The following CEP70 variants were observed in gnomAD, a reference collection of about 807,000 sequenced individuals.
CEP70 encodes the protein centrosomal protein of 70 kDa.
In CEP70, 70 loss-of-function variants were observed where a neutral mutation model predicts 90.9. The ratio of observed to expected loss-of-function variants is 0.77; its 90% CI spans 0.64 to 0.94. The LOEUF (loss-of-function observed/expected upper bound fraction) is 0.94, where lower values mean the gene tolerates loss of function less well. CEP70 is among the 40% of genes least tolerant of loss of function. CEP70 has a pLI of 0.00. For synonymous variants in CEP70, 220 were observed against 228.3 expected (o/e 0.96, Z 0.33); for missense variants, 648 against 669.0 (o/e 0.97, Z 0.35).
At chr3:138,569,002 AAAC>A (rs950884959) in intron 6 of CEP70, among the ~76,000 whole-genome samples, 1 of 151,956 alleles carries the variant, frequency 6.6e-6, no homozygotes, top group African/African-American at 2.4e-5. Context: ...AACAAAAAAA[AAAC>A]ACAAAAAAAA....
rs757290298 is a variant in CEP70, at chr3:138,570,358, T to A, written c.425A>T (p.Asn142Ile). 7.3e-5 allele frequency: 117 copies of A among 1,592,636 alleles called. No homozygotes were observed. In the South Asian group the frequency reaches 1.2e-3, roughly 16 times the overall value. Residue 142 changes from asparagine to isoleucine, a missense_variant, in exon 6 of 18, where the codon AAT (asparagine) becomes ATT (isoleucine). Physicochemically the swap from Asn to Ile is moderately radical, Grantham distance 149 (BLOSUM62 -3). Transcript: ENST00000264982. ...ESLSRACHQQ[N>I]KIKDLQKEQK... The stretch of plus-strand genomic sequence containing the variant: ...CTCCTTTTGAAGATCTTTTATTTTA[T>A]TCTGTTGGTGGCAAGCCCTACTTAG...
intron 3 of CEP70, 47 bp from the exon 4 acceptor site, chr3:138,571,403 G>T: frequency 1.6e-6 from 2 of 1,225,838 alleles, no homozygotes; most frequent in Non-Finnish European, 2.4e-6. Context: ...GATATAAAGT[G>T]AAGAAATTCT....
chr3:138,572,353 T>A (rs1479124225), intron 3 of CEP70, among the ~76,000 whole-genome samples: 1 of 152,180 alleles, frequency 6.6e-6, no homozygotes, highest in African/African-American at 2.4e-5. Flanking sequence ...GTCTTTCTGA[T>A]CACAGAGTTT....
At position 138,494,933 on chromosome 3, in the gene CEP70, C is replaced by T; in HGVS notation, c.*82G>A. The stretch of plus-strand genomic sequence containing the variant: ...CTGAGAGCAAATACATTTTACAACC[C>T]TTGTCTCAAAATAAGATCAATCCTA... On this transcript the variant is annotated 3_prime_UTR_variant, in exon 18 of 18. Transcript: ENST00000264982. 1 of 773,736 alleles carries T rather than the reference C, an allele frequency of 1.3e-6. No individual in the cohort carries two copies. The highest frequency in any genetic ancestry group is 2.2e-6 in the Non-Finnish European group (1 of 456,700). The allele number at this position is 773,736 out of a possible 1,614,324, so 47.9% of individuals were successfully genotyped here. A position where few individuals can be genotyped will look rare whatever the true frequency, so the allele number is the denominator to read the frequency against.
At chr3:138,592,212 A>G (rs1042041309) in intron 1 of CEP70, among the ~76,000 whole-genome samples, 1 of 152,112 alleles carries the variant, frequency 6.6e-6, no homozygotes, top group Non-Finnish European at 1.5e-5. Flanking sequence ...ATCATCATCT[A>G]TCATCAATTC....
At chr3:138,573,317 G>C (rs1039885059) in intron 2 of CEP70, among the ~76,000 whole-genome samples, 2 of 148,476 alleles carry the variant, frequency 1.3e-5, no homozygotes, top group Non-Finnish European at 3.0e-5. Context: ...AAAAATTTGA[G>C]AATCAATGAA....
intron 2 of CEP70, among the ~76,000 whole-genome samples, chr3:138,586,550 T>C (rs545829389): frequency 3.9e-5 from 6 of 152,174 alleles, no homozygotes; most frequent in Non-Finnish European, 7.3e-5. Flanking sequence ...CTGGAAGTCA[T>C]TATTTTAAGT....
intron 8 of CEP70, chr3:138,530,636 T>C (rs1004153488): frequency 9.1e-6 from 9 of 985,432 alleles, no homozygotes; most frequent in Non-Finnish European, 1.1e-5. Context: ...GCTTCAGTTC[T>C]ACAGGGTCAC....
chr3:138,510,884 G>A (rs537053019), intron 11 of CEP70, among the ~76,000 whole-genome samples: 61 of 134,212 alleles, frequency 4.5e-4, no homozygotes, highest in African/African-American at 1.7e-3. Flanking sequence ...TTTTTGAGAC[G>A]GAGTCTCGCC....
chr3:138,500,309 A>G lies in CEP70; in HGVS notation c.1538-85T>C. ...ACATTTTATGCTTCAGTTATCCTCA[A>G]TTTTTCACTTAAACATTTTTTAATC... On this transcript the variant is annotated intron_variant, in intron 15 of 17. Transcript: ENST00000264982. The G allele has an allele frequency of 2.0e-6, 3 of 1,511,310 alleles. No homozygotes were observed. The South Asian group carries it at 3.8e-5, about 19-fold the overall frequency. 93.6% of individuals were successfully genotyped at this position (1,511,310 alleles called of 1,614,324 possible).
intron 12 of CEP70, among the ~76,000 whole-genome samples, chr3:138,506,272 C>G (rs955045246): frequency 2.2e-4 from 33 of 152,010 alleles, no homozygotes; most frequent in African/African-American, 8.0e-4. Context: ...TCACTTGAGC[C>G]CAGGAATTCA....
At chr3:138,554,014 T>C (rs565766249) in intron 6 of CEP70, among the ~76,000 whole-genome samples, 1 of 152,028 alleles carries the variant, frequency 6.6e-6, no homozygotes, top group African/African-American at 2.4e-5. Context: ...CTGGCCAACA[T>C]GGTGAATGAA....
intron 1 of CEP70, 54 bp downstream of exon 1, chr3:138,594,144 T>C (rs2042540240): frequency 6.6e-6 from 1 of 152,152 alleles, no homozygotes; most frequent in African/African-American, 2.4e-5. Flanking sequence ...AAGTCCGGGG[T>C]ACTCCGGGAA....
rs1449085474 is a variant in CEP70, at chr3:138,494,930, A to T, written c.*85T>A. On this transcript the variant is annotated 3_prime_UTR_variant, in exon 18 of 18. Transcript: ENST00000264982. ...ATTCTGAGAGCAAATACATTTTACA[A>T]CCCTTGTCTCAAAATAAGATCAATC... 8 of 754,306 alleles carry T rather than the reference A, an allele frequency of 1.1e-5. No individual in the cohort carries two copies. Among genetic ancestry groups the T allele is most frequent in the South Asian group, 1.6e-5 (1 of 62,782 alleles). The allele number at this position is 754,306 out of a possible 1,614,324, so 46.7% of individuals were successfully genotyped here.
At chr3:138,547,908 A>T (rs928357054) in intron 6 of CEP70, among the ~76,000 whole-genome samples, 5 of 152,222 alleles carry the variant, frequency 3.3e-5, no homozygotes, top group African/African-American at 1.2e-4. Flanking sequence ...TTTCCATTTA[A>T]TATTTTTGAA....
chr3:138,500,841 A>T lies in CEP70; in HGVS notation c.1262T>A (p.Val421Glu). Residue 421 changes from valine (V) to glutamate (E), a missense_variant, in exon 14 of 18, where the codon GTA becomes GAA. Coordinates refer to ENST00000264982, the MANE Select transcript of CEP70 (RefSeq NM_024491.4). ...KSLKTLSAEL[V>E]PWLNLKKQDE... ...CTGCTTCTTCAAATTAAGCCAAGGT[A>T]CCAGTTCTGCAGATAGTGTTTTCAA... 1 of 1,604,522 alleles carries T rather than the reference A, an allele frequency of 6.2e-7. No homozygotes were observed. The highest frequency in any genetic ancestry group is 8.5e-7 in the Non-Finnish European group (1 of 1,173,590).
At chr3:138,498,181 ATT>A in intron 16 of CEP70, 71 bp from the exon 17 acceptor site, 1 of 1,050,870 alleles carries the variant, frequency 9.5e-7, no homozygotes, top group Non-Finnish European at 1.4e-6. Flanking sequence ...CAAACAGAAC[ATT>A]TTCAAAATAG....
At chr3:138,538,997 T>C (rs2038523590) in intron 6 of CEP70, among the ~76,000 whole-genome samples, 1 of 152,186 alleles carries the variant, frequency 6.6e-6, no homozygotes, top group African/African-American at 2.4e-5. Context: ...TCAGTGATGT[T>C]AAATCTCTTT....
At chr3:138,592,097 T>G (rs1387728591) in intron 1 of CEP70, 141 bp from the exon 2 acceptor site, 1 of 505,858 alleles carries the variant, frequency 2.0e-6, no homozygotes, top group Non-Finnish European at 3.4e-6. Flanking sequence ...TAACTGCTAA[T>G]GGCCTTCCCA....
Sources: gnomAD v4.1 joint callset for allele counts (sites outside exome capture counted in the v4.1 genomes callset) on GRCh38, gnomAD v4.1.1 for gene constraint, MANE v1.5 for transcripts, NCBI Gene and HGNC (gene_info 2026-07-23, HGNC 2026-07-21) for gene names.